Variants in PTPRD observed in about 807,000 individuals in gnomAD.
PTPRD encodes the protein protein tyrosine phosphatase receptor type D.
Under a neutral mutation model 214.5 loss-of-function variants are expected in PTPRD, and 34 were observed. That is an observed-to-expected ratio of 0.16 (90% CI 0.12 to 0.21). The LOEUF (loss-of-function observed/expected upper bound fraction) is 0.21. Ranked by LOEUF, PTPRD falls within the 10% of genes least tolerant of loss-of-function variation. PTPRD has a pLI of 1.00. For synonymous variants in PTPRD, 1,128 were observed against 845.7 expected, an observed-to-expected ratio of 1.33 and a Z score of -5.79; for missense variants, 2,545 against 2,398.7, an observed-to-expected ratio of 1.06 and a Z score of -1.27.
chr9:9,489,062 C>T (rs2095788665), intron 8 of PTPRD, among the ~76,000 whole-genome samples: 1 of 152,122 alleles, frequency 6.6e-6, no homozygotes. Flanking sequence ...AGGGCCAGCA[C>T]TCTTTTTACT....
intron 5 of PTPRD, among the ~76,000 whole-genome samples, chr9:9,853,318 C>G (rs2060898659): frequency 1.3e-5 from 2 of 152,166 alleles, no homozygotes; most frequent in African/African-American, 4.8e-5. Flanking sequence ...ATTCAAGTTT[C>G]ATATAATTCT....
chr9:9,735,757 A>T (rs1449278112), intron 6 of PTPRD, among the ~76,000 whole-genome samples: 4 of 152,104 alleles, frequency 2.6e-5, no homozygotes, highest in Non-Finnish European at 4.4e-5. Context: ...AAAACGGATG[A>T]TCTATCTCTT....
chr9:8,329,953 GTGGGAGTGGATCGTATCTTGCTGGGCTC>G (rs1838183589), intron 44 of PTPRD, among the ~76,000 whole-genome samples: 1 of 55,318 alleles, frequency 1.8e-5, no homozygotes, highest in South Asian at 6.7e-4. Context: ...GCTGGGCTCT[GTGGGAGTGGATCGTATCTTGCTGGGCTC>G]TGTGGGGGTG....
intron 9 of PTPRD, among the ~76,000 whole-genome samples, chr9:9,296,269 T>C (rs1362847760): frequency 6.6e-6 from 1 of 151,756 alleles, no homozygotes; most frequent in Non-Finnish European, 1.5e-5. Flanking sequence ...TATATCTCCT[T>C]GGGACAAATG....
At chr9:8,414,451 A>C (rs2131204229) in intron 35 of PTPRD, among the ~76,000 whole-genome samples, 1 of 152,340 alleles carries the variant, frequency 6.6e-6, no homozygotes, top group East Asian at 1.9e-4. Context: ...ATGGGTTTAT[A>C]CAATTAGTTG....
In PTPRD at chr9:9,820,474, G is replaced by A. The variant is rs371202995; in HGVS notation, c.-367-53623C>T. Among the ~76,000 whole-genome samples the A allele has an allele frequency of 9.2e-5, 14 of 152,020 alleles. 1 individual carries two copies. The highest frequency in any genetic ancestry group is 3.4e-4 in the African/African-American group (14 of 41,400). ...TTGCTAGTACATTTGTTATGCAGAAGCTCTTTAGTTTAATTAGGTTCCACT... is the reference window on the plus strand; with the variant it reads ...TTGCTAGTACATTTGTTATGCAGAAACTCTTTAGTTTAATTAGGTTCCACT... On this transcript the variant is annotated intron_variant, in intron 5 of 45. Coordinates refer to ENST00000381196, the MANE Select transcript of PTPRD (RefSeq NM_002839.4).
rs188088181 is a variant in PTPRD at position 9,180,061 on chromosome 9, T to C, written c.-143+3243A>G. Among the ~76,000 whole-genome samples, 967 of 152,178 alleles carry C rather than the reference T, an allele frequency of 6.4e-3. 8 individuals are homozygous for C. The highest frequency in any genetic ancestry group is 0.022 in the African/African-American group (896 of 41,538). On this transcript the variant is annotated intron_variant, in intron 10 of 45. Transcript: ENST00000381196. ...GTATTTTGTGTTACATAAGTACCGA[T>C]TGCGCCACTGGATGACCCAGCCATC...
intron 8 of PTPRD, among the ~76,000 whole-genome samples, chr9:9,513,472 T>C (rs915966473): frequency 3.9e-5 from 6 of 151,934 alleles, no homozygotes; most frequent in Admixed American, 2.0e-4. Context: ...GCTTACTATA[T>C]ATAATGTAGT....
At chr9:9,753,131 ATTATT>A (rs1484064499) in intron 6 of PTPRD, among the ~76,000 whole-genome samples, 1 of 152,006 alleles carries the variant, frequency 6.6e-6, no homozygotes, top group Non-Finnish European at 1.5e-5. Flanking sequence ...ACTTTGGTTT[ATTATT>A]TTATATTTTC....
At chr9:9,073,786 C>T (rs1056920522) in intron 10 of PTPRD, among the ~76,000 whole-genome samples, 1 of 152,048 alleles carries the variant, frequency 6.6e-6, no homozygotes, top group Non-Finnish European at 1.5e-5. Context: ...TTCTGAAAAA[C>T]CCTGACTAAT....
chr9:10,008,589 CAT>C (rs77848983), intron 4 of PTPRD, among the ~76,000 whole-genome samples: 73,195 of 151,578 alleles, frequency 0.48, 21,076 homozygotes, highest in Middle Eastern at 0.66. Context: ...ATCCTGTGAG[CAT>C]ATATATATAC....
At chr9:10,262,489 G>C (rs906721463) in intron 3 of PTPRD, among the ~76,000 whole-genome samples, 21 of 152,100 alleles carry the variant, frequency 1.4e-4, no homozygotes, top group Non-Finnish European at 2.9e-5. Flanking sequence ...TAAAACTGAG[G>C]TCTGAAATCC....
At chr9:10,093,116 C>T (rs569489966) in intron 3 of PTPRD, among the ~76,000 whole-genome samples, 1 of 151,738 alleles carries the variant, frequency 6.6e-6, no homozygotes, top group Non-Finnish European at 1.5e-5. Flanking sequence ...TCTAATTAAA[C>T]TAAAGCCCTT....
intron 19 of PTPRD, 36 bp from the exon 20 acceptor site, chr9:8,521,582 A>G (rs1362640799): frequency 3.8e-6 from 6 of 1,596,766 alleles, no homozygotes; most frequent in Non-Finnish European, 4.3e-6. Context: ...TAACATATAC[A>G]AGGCAAGAAA....
At chr9:8,934,426 T>G in intron 11 of PTPRD, among the ~76,000 whole-genome samples, 1 of 55,362 alleles carries the variant, frequency 1.8e-5, no homozygotes, top group African/African-American at 7.1e-5. Context: ...TGTGTGTATA[T>G]ATATATATAA....
chr9:9,806,870 T>A (rs1241314853), intron 5 of PTPRD, among the ~76,000 whole-genome samples: 1 of 152,132 alleles, frequency 6.6e-6, no homozygotes, highest in African/African-American at 2.4e-5. Flanking sequence ...CTTGTGAGCA[T>A]GCATGTAACT....
chr9:9,660,396 A>G (rs551275394), intron 7 of PTPRD, among the ~76,000 whole-genome samples: 6 of 152,092 alleles, frequency 3.9e-5, no homozygotes, highest in Non-Finnish European at 8.8e-5. Flanking sequence ...GCTACAGCCA[A>G]GTATGAGATG....
At chr9:9,254,848 A>G (rs979159157) in intron 9 of PTPRD, among the ~76,000 whole-genome samples, 3 of 152,052 alleles carry the variant, frequency 2.0e-5, no homozygotes, top group African/African-American at 7.2e-5. Context: ...GTAGGATACC[A>G]AGCCACCAAA....
intron 2 of PTPRD, among the ~76,000 whole-genome samples, chr9:10,509,557 T>TTATATTTATATATATATATATATATATA (rs1246261539): frequency 5.1e-4 from 54 of 106,680 alleles, no homozygotes; most frequent in African/African-American, 1.2e-3. Context: ...TTAATAAATA[T>TTATATTTATATATATATATATATATATA]TATATATATA....
Sources: allele counts gnomAD v4.1 joint callset (sites outside exome capture counted in the v4.1 genomes callset), GRCh38; gene constraint gnomAD v4.1.1; transcripts MANE v1.5; gene names NCBI Gene and HGNC (gene_info 2026-07-23, HGNC 2026-07-21).